PRKD1: variants seen among roughly 807,000 people sequenced by gnomAD.
PRKD1 encodes the protein serine/threonine-protein kinase D1.
A neutral mutation model predicts 95.9 loss-of-function variants in PRKD1; 63 were observed. The observed-to-expected ratio is 0.66, with a 90% CI of 0.54 to 0.81. The LOEUF is 0.81. PRKD1 is among the 30% of genes least tolerant of loss of function. The probability of loss-of-function intolerance (pLI) is 0.00; values close to 1 mark genes in which losing one functional copy is unlikely to be tolerated. For missense variants in PRKD1, 1,048 were observed against 1,165.3 expected (o/e 0.90, Z 1.47); for synonymous variants, 425 against 423.1 (o/e 1.00, Z -0.05).
intron 1 of PRKD1, among the ~76,000 whole-genome samples, chr14:29,797,288 A>C (rs1889858671): frequency 6.6e-6 from 1 of 152,182 alleles, no homozygotes; most frequent in South Asian, 2.1e-4. Context: ...TTGTAAACAA[A>C]TTGTTTGTAA....
At position 29,826,497 on chromosome 14, in the gene PRKD1, C is replaced by T. The variant is rs60448903; in HGVS notation, c.264+100752G>A. ...ATATATATGATGGAATATATGTATA[C>T]ATATATATGATGGAATATATGTATA... On this transcript the variant is annotated intron_variant, in intron 1 of 17. Coordinates refer to ENST00000331968, the MANE Select transcript of PRKD1 (RefSeq NM_002742.3). Among the ~76,000 whole-genome samples the T allele has an allele frequency of 1.0e-3, 115 of 110,962 alleles. 1 individual carries two copies. Among genetic ancestry groups the T allele is most frequent in the African/African-American group, 3.9e-3 (108 of 28,034 alleles). The allele number at this position is 110,962 out of a possible 152,430, so 72.8% of individuals were successfully genotyped here. A position where few individuals can be genotyped will look rare whatever the true frequency, so the allele number is the denominator to read the frequency against.
intron 1 of PRKD1, among the ~76,000 whole-genome samples, chr14:29,910,421 C>T (rs961890840): frequency 3.3e-5 from 5 of 152,200 alleles, no homozygotes; most frequent in Admixed American, 1.3e-4. Flanking sequence ...ACACTCAACG[C>T]GAGGGTCCGT....
At chr14:29,581,468 G>A (rs1357443356) in intron 16 of PRKD1, among the ~76,000 whole-genome samples, 3 of 152,128 alleles carry the variant, frequency 2.0e-5, no homozygotes, top group East Asian at 1.9e-4. Context: ...AAAGGAAAAC[G>A]TGACGCTTCA....
chr14:29,634,860 C>T (rs1036456776), intron 7 of PRKD1, among the ~76,000 whole-genome samples: 17 of 151,860 alleles, frequency 1.1e-4, no homozygotes, highest in East Asian at 3.9e-4. Flanking sequence ...GGTGAAACCC[C>T]GTCTCTACTA....
intron 1 of PRKD1, among the ~76,000 whole-genome samples, chr14:29,781,736 T>C (rs947894575): frequency 2.6e-5 from 4 of 152,214 alleles, no homozygotes; most frequent in Admixed American, 6.5e-5. Context: ...TTTTGTATAT[T>C]CAGAGATTCT....
At chr14:29,636,061 T>C (rs1486706243) in intron 7 of PRKD1, among the ~76,000 whole-genome samples, 1 of 130,448 alleles carries the variant, frequency 7.7e-6, no homozygotes, top group African/African-American at 2.8e-5. Flanking sequence ...AAAAAAAAAA[T>C]AGTTCAATGA....
intron 2 of PRKD1, among the ~76,000 whole-genome samples, chr14:29,703,689 T>C (rs1239074551): frequency 6.6e-6 from 1 of 152,154 alleles, no homozygotes; most frequent in African/African-American, 2.4e-5. Flanking sequence ...TGTTAGAGTC[T>C]ATGTACACAA....
At chr14:29,764,563 C>T (rs898361134) in intron 1 of PRKD1, among the ~76,000 whole-genome samples, 6 of 152,148 alleles carry the variant, frequency 3.9e-5, no homozygotes, top group Admixed American at 3.9e-4. Flanking sequence ...AAGGGCTGCT[C>T]TCTGCTTCAA....
At chr14:29,593,136 G>A (rs1393404500) in intron 16 of PRKD1, among the ~76,000 whole-genome samples, 2 of 152,014 alleles carry the variant, frequency 1.3e-5, no homozygotes, top group African/African-American at 4.8e-5. Flanking sequence ...GTGATTAAAC[G>A]AATTCACATA....
chr14:29,922,409 A>T (rs1257737822), intron 1 of PRKD1, among the ~76,000 whole-genome samples: 1 of 152,116 alleles, frequency 6.6e-6, no homozygotes, highest in Non-Finnish European at 1.5e-5. Flanking sequence ...AGTCTATAAC[A>T]CAAAATATAA....
intron 1 of PRKD1, among the ~76,000 whole-genome samples, chr14:29,863,503 A>G (rs764169473): frequency 1.5e-4 from 23 of 152,066 alleles, no homozygotes; most frequent in Non-Finnish European, 2.9e-4. Context: ...CTCTCACTCT[A>G]CTTTGTTTAA....
intron 1 of PRKD1, among the ~76,000 whole-genome samples, chr14:29,843,064 G>A (rs890362266): frequency 1.3e-5 from 2 of 152,168 alleles, no homozygotes; most frequent in Non-Finnish European, 2.9e-5. Flanking sequence ...TGTGTGTATT[G>A]AAGTCCTAAC....
chr14:29,849,986 C>T (rs1439428759), intron 1 of PRKD1, among the ~76,000 whole-genome samples: 5 of 152,036 alleles, frequency 3.3e-5, no homozygotes, highest in South Asian at 2.1e-4. Flanking sequence ...AAAACGCTTT[C>T]GAGAGAGTGC....
intron 2 of PRKD1, among the ~76,000 whole-genome samples, chr14:29,675,681 T>C (rs1265477308): frequency 6.6e-6 from 1 of 151,982 alleles, no homozygotes; most frequent in East Asian, 1.9e-4. Context: ...CATGCACACG[T>C]ACGTTTATTG....
chr14:29,885,583 T>C (rs1042447395), intron 1 of PRKD1, among the ~76,000 whole-genome samples: 11 of 151,942 alleles, frequency 7.2e-5, no homozygotes, highest in Non-Finnish European at 1.5e-4. Flanking sequence ...CAAAAAATGC[T>C]TCATCTCCTG....
intron 1 of PRKD1, among the ~76,000 whole-genome samples, chr14:29,748,486 A>G (rs2139453906): frequency 6.6e-6 from 1 of 152,338 alleles, no homozygotes; most frequent in African/African-American, 2.4e-5. Flanking sequence ...TCACCACTGA[A>G]GTGGGAGTGG....
chr14:29,738,345 T>C (rs950683009), intron 1 of PRKD1, among the ~76,000 whole-genome samples: 1 of 152,162 alleles, frequency 6.6e-6, no homozygotes, highest in Admixed American at 6.5e-5. Flanking sequence ...CCTTCACTTA[T>C]GCCAATTCCC....
chr14:29,808,747 C>A (rs574366110), intron 1 of PRKD1, among the ~76,000 whole-genome samples: 2 of 152,188 alleles, frequency 1.3e-5, no homozygotes, highest in South Asian at 4.2e-4. Flanking sequence ...CTGCAGTTAC[C>A]TCCACTACTG....
intron 1 of PRKD1, among the ~76,000 whole-genome samples, chr14:29,878,934 TAATAA>T (rs1246326736): frequency 1.3e-5 from 2 of 152,330 alleles, no homozygotes; most frequent in East Asian, 3.9e-4. Context: ...TAGAAAATTT[TAATAA>T]AATACATGAA....
Sources: allele counts gnomAD v4.1 joint callset (sites outside exome capture counted in the v4.1 genomes callset), GRCh38; gene constraint gnomAD v4.1.1; transcripts MANE v1.5; gene names NCBI Gene and HGNC (gene_info 2026-07-23, HGNC 2026-07-21).